The following ASIC2 variants were observed in gnomAD, a reference collection of about 807,000 sequenced individuals.
The protein encoded by ASIC2 is acid sensing ion channel subunit 2.
Under a neutral mutation model 57.3 loss-of-function variants are expected in ASIC2, and 25 were observed. The ratio of observed to expected loss-of-function variants is 0.44; its 90% CI spans 0.32 to 0.61. ASIC2 has a LOEUF of 0.61. Ranked by LOEUF, ASIC2 falls within the 20% of genes least tolerant of loss-of-function variation. The pLI, the probability that ASIC2 is intolerant of heterozygous loss-of-function variation, is 0.06. For missense variants in ASIC2, 641 were observed against 738.1 expected (o/e 0.87, Z 1.52); for synonymous variants, 319 against 307.5 (o/e 1.04, Z -0.39).
intron 1 of ASIC2, chr17:34,001,776 C>T (rs773443270): frequency 6.6e-6 from 1 of 152,238 alleles, no homozygotes. Context: ...CTGTTTAGTG[C>T]ATCTTTTCTT....
intron 1 of ASIC2, among the ~76,000 whole-genome samples, chr17:33,506,431 T>G (rs891765256): frequency 6.8e-6 from 1 of 146,202 alleles, no homozygotes; most frequent in Non-Finnish European, 1.5e-5. Context: ...AAAAAAAAAC[T>G]AGACAAAGAC....
intron 1 of ASIC2, among the ~76,000 whole-genome samples, chr17:34,035,826 C>G (rs1055737679): frequency 6.6e-6 from 1 of 152,118 alleles, no homozygotes; most frequent in African/African-American, 2.4e-5. Context: ...ATCAAAACCA[C>G]AATGAGATAC....
intron 1 of ASIC2, among the ~76,000 whole-genome samples, chr17:33,131,159 C>T (rs753907788): frequency 5.9e-5 from 9 of 152,114 alleles, no homozygotes; most frequent in African/African-American, 1.4e-4. Flanking sequence ...ATGGGCAGAA[C>T]GGGATAGGAC....
chr17:33,981,089 T>C (rs73276684), intron 1 of ASIC2, among the ~76,000 whole-genome samples: 1 of 151,830 alleles, frequency 6.6e-6, no homozygotes, highest in East Asian at 1.9e-4. Flanking sequence ...GCGTGCACAA[T>C]CTCGCCTGGC....
intron 1 of ASIC2, among the ~76,000 whole-genome samples, chr17:33,553,988 G>A (rs1204936393): frequency 1.3e-5 from 2 of 152,082 alleles, no homozygotes; most frequent in East Asian, 3.9e-4. Flanking sequence ...CTCTTCCTAG[G>A]TGCAATTCAA....
chr17:33,531,531 G>T (rs908127458), intron 1 of ASIC2, among the ~76,000 whole-genome samples: 5 of 152,190 alleles, frequency 3.3e-5, no homozygotes, highest in African/African-American at 7.2e-5. Flanking sequence ...TTAGAATTAG[G>T]TTGGCCTGAT....
intron 2 of ASIC2, among the ~76,000 whole-genome samples, chr17:33,109,107 T>TG (rs55661936): frequency 0.85 from 129,097 of 152,152 alleles, 55,402 homozygotes; most frequent in African/African-American, 0.96. Context: ...AGGGTGGGTG[T>TG]GGGTGAGGCA....
chr17:33,160,558 A>G (rs934609434), intron 1 of ASIC2, among the ~76,000 whole-genome samples: 3 of 152,240 alleles, frequency 2.0e-5, no homozygotes, highest in African/African-American at 7.2e-5. Context: ...GGCTACTTGG[A>G]GATCATTCTG....
intron 1 of ASIC2, among the ~76,000 whole-genome samples, chr17:33,612,191 A>G (rs896298766): frequency 2.0e-5 from 3 of 152,214 alleles, no homozygotes; most frequent in African/African-American, 7.2e-5. Flanking sequence ...CTACTGGTTT[A>G]AATGTCAATC....
chr17:33,634,374 A>G (rs1470252404), intron 1 of ASIC2, among the ~76,000 whole-genome samples: 1 of 152,200 alleles, frequency 6.6e-6, no homozygotes, highest in Non-Finnish European at 1.5e-5. Flanking sequence ...GCCCTATCCC[A>G]AGGTTTACCA....
chr17:34,081,430 G>A lies in ASIC2; in HGVS notation c.555+74548C>T, dbSNP rs146553816. 1.4e-3 allele frequency among the ~76,000 whole-genome samples: 215 copies of A among 152,228 alleles called. 1 individual carries two copies. Among genetic ancestry groups the A allele is most frequent in the African/African-American group, 5.0e-3 (209 of 41,534 alleles). On this transcript the variant is annotated intron_variant, in intron 1 of 9. Coordinates refer to the ASIC2 transcript ENST00000359872. Reference sequence around the variant, plus strand: ...AGGGAAGCTTTGCACCAGAGGGTACGCATCTCCTCCTTGGTTCTACACCAG... The same window carrying A: ...AGGGAAGCTTTGCACCAGAGGGTACACATCTCCTCCTTGGTTCTACACCAG...
intron 1 of ASIC2, among the ~76,000 whole-genome samples, chr17:33,992,410 T>C (rs527319860): frequency 3.9e-4 from 60 of 152,308 alleles, no homozygotes; most frequent in Admixed American, 7.2e-4. Flanking sequence ...GAGCAATTCA[T>C]TCATCGAAAC....
At chr17:33,349,931 C>G (rs1567831507) in intron 1 of ASIC2, among the ~76,000 whole-genome samples, 2 of 152,000 alleles carry the variant, frequency 1.3e-5, no homozygotes, top group Non-Finnish European at 2.9e-5. Context: ...AAAAAAAAGC[C>G]TTGATATAGA....
At chr17:34,067,852 T>C (rs533640399) in intron 1 of ASIC2, among the ~76,000 whole-genome samples, 12 of 152,206 alleles carry the variant, frequency 7.9e-5, no homozygotes, top group Non-Finnish European at 1.6e-4. Flanking sequence ...ATCTGTAATA[T>C]ACAATATGGT....
chr17:33,029,012 A>G (rs2091870143), intron 3 of ASIC2, among the ~76,000 whole-genome samples: 1 of 152,194 alleles, frequency 6.6e-6, no homozygotes, highest in Non-Finnish European at 1.5e-5. Flanking sequence ...AGGTCCAGTG[A>G]TCATAAATGC....
At chr17:33,062,128 A>AT (rs1224599465) in intron 3 of ASIC2, among the ~76,000 whole-genome samples, 1 of 151,942 alleles carries the variant, frequency 6.6e-6, no homozygotes, top group Non-Finnish European at 1.5e-5. Context: ...GGATTCACTG[A>AT]TTTTTTGAAG....
At chr17:33,147,865 A>G (rs2142025552) in intron 1 of ASIC2, among the ~76,000 whole-genome samples, 1 of 152,260 alleles carries the variant, frequency 6.6e-6, no homozygotes, top group East Asian at 1.9e-4. Flanking sequence ...TCCAAGTTGG[A>G]GCTGCGTGCT....
At chr17:33,566,248 T>C (rs1916230594) in intron 1 of ASIC2, among the ~76,000 whole-genome samples, 1 of 152,206 alleles carries the variant, frequency 6.6e-6, no homozygotes, top group Non-Finnish European at 1.5e-5. Context: ...TTTGTTTGTT[T>C]GGTTGGTTTT....
chr17:33,249,873 C>T (rs1645068534), intron 1 of ASIC2, among the ~76,000 whole-genome samples: 1 of 152,164 alleles, frequency 6.6e-6, no homozygotes, highest in South Asian at 2.1e-4. Context: ...AGGCTTGGGA[C>T]TTACTGGCCT....
Sources: gnomAD v4.1 joint callset for allele counts (sites outside exome capture counted in the v4.1 genomes callset) on GRCh38, gnomAD v4.1.1 for gene constraint, MANE v1.5 for transcripts, NCBI Gene and HGNC (gene_info 2026-07-23, HGNC 2026-07-21) for gene names.